ZNF705B: variants seen among roughly 807,000 people sequenced by gnomAD.
ZNF705B encodes Putative zinc finger protein 705D-like protein LOC100132396.
In ZNF705B, 1 loss-of-function variant was observed where a neutral mutation model predicts 10.5. The observed-to-expected ratio is 0.10, with a 90% CI of 0.03 to 0.45. ZNF705B has a LOEUF of 0.45. ZNF705B is among the 20% of genes least tolerant of loss of function. ZNF705B has a pLI of 0.97. For synonymous variants in ZNF705B, 4 were observed against 25.4 expected (o/e 0.16, Z 2.53); for missense variants, 14 against 84.0 (o/e 0.17, Z 3.26).
At chr8:7,927,030 C>A (rs933149028) in intron 1 of ZNF705B, among the ~76,000 whole-genome samples, 1 of 119,664 alleles carries the variant, frequency 8.4e-6, no homozygotes, top group Admixed American at 9.6e-5. Context: ...ATACCACTTT[C>A]AAGACTCGTG....
At chr8:7,936,753 C>G (rs1335653899) in intron 2 of ZNF705B, among the ~76,000 whole-genome samples, 5 of 119,904 alleles carry the variant, frequency 4.2e-5, no homozygotes, top group African/African-American at 1.3e-4. Flanking sequence ...GTCTGAAAAG[C>G]TACTCTTTGG....
At chr8:7,937,515 A>C (rs1400157044) in intron 2 of ZNF705B, among the ~76,000 whole-genome samples, 1 of 114,944 alleles carries the variant, frequency 8.7e-6, no homozygotes, top group African/African-American at 2.6e-5. Context: ...CCAAATTTGG[A>C]ATTTTTAAAC....
intron 2 of ZNF705B, among the ~76,000 whole-genome samples, chr8:7,934,874 AG>A (rs1819967791): frequency 1.9e-5 from 1 of 52,056 alleles, no homozygotes; most frequent in Non-Finnish European, 5.4e-5. Context: ...AGAGCATACA[AG>A]TTTCAGTTTA....
At chr8:7,940,886 A>T (rs1403629941) in intron 2 of ZNF705B, among the ~76,000 whole-genome samples, 2 of 146,388 alleles carry the variant, frequency 1.4e-5, no homozygotes, top group Admixed American at 6.9e-5. Flanking sequence ...TCCCCTCCTA[A>T]TATCCATGTG....
At chr8:7,927,314 G>A (rs555948479) in intron 1 of ZNF705B, among the ~76,000 whole-genome samples, 11 of 120,738 alleles carry the variant, frequency 9.1e-5, no homozygotes, top group South Asian at 8.4e-4. Context: ...GACATTCCAG[G>A]CCTTATGGAG....
At chr8:7,933,929 C>CTTTTTTTTTTTTTTTTTT (rs1162997944) in intron 2 of ZNF705B, among the ~76,000 whole-genome samples, 14 of 29,364 alleles carry the variant, frequency 4.8e-4, no homozygotes, top group African/African-American at 9.4e-4. Flanking sequence ...GTAATATAAA[C>CTTTTTTTTTTTTTTTTTT]TTTTTTTTTT....
Position 7,932,099 on chromosome 8 carries a change from C to T in ZNF705B, c.-72+1663C>T, listed in dbSNP as rs1406095426. On this transcript the variant is annotated intron_variant, in intron 2 of 6. Coordinates refer to ENST00000400120, the MANE Select transcript of ZNF705B (RefSeq NM_001193630.1). ...CCAACTCCTTCTCTGGGACAATGAC[C>T]ATCACATAGACTCCAGGCAGCTCCC... Among the ~76,000 whole-genome samples the T allele has an allele frequency of 1.7e-5, 2 of 120,682 alleles. 1 individual carries two copies. The highest frequency in any genetic ancestry group is 4.7e-4 in the East Asian group (2 of 4,232). The allele number at this position is 120,682 out of a possible 152,430, so 79.2% of individuals were successfully genotyped here.
At chr8:7,928,984 T>C (rs1819771263) in intron 1 of ZNF705B, among the ~76,000 whole-genome samples, 1 of 117,030 alleles carries the variant, frequency 8.5e-6, no homozygotes, top group African/African-American at 2.5e-5. Context: ...ACCTATTAGG[T>C]ACAATGTACT....
rs1309367910 is a variant in ZNF705B at position 7,928,688 on chromosome 8, A to T, written c.-221-1599A>T. The stretch of plus-strand genomic sequence containing the variant: ...GCCCCTAATGCGTCACCTAGTTGTA[A>T]TCTATGCAGAAGTTTGACATGGTAA... On this transcript the variant is annotated intron_variant, in intron 1 of 6. Coordinates refer to ENST00000400120, the MANE Select transcript of ZNF705B (RefSeq NM_001193630.1). 6.7e-5 allele frequency among the ~76,000 whole-genome samples: 6 copies of T among 89,274 alleles called. No homozygotes were observed. The East Asian group carries it at 2.0e-3, about 29-fold the overall frequency. The allele number at this position is 89,274 out of a possible 152,430, so 58.6% of individuals were successfully genotyped here. A position where few individuals can be genotyped will look rare whatever the true frequency, so the allele number is the denominator to read the frequency against.
rs1329476581 is a variant in ZNF705B, at chr8:7,935,852, G to GT, written c.-72+5417dup. On this transcript the variant is annotated intron_variant, in intron 2 of 6. Transcript: ENST00000400120. Reference sequence around the variant, plus strand: ...CATCTCTTCCTTTTATCTGTAAGTAGTCAGCTATTACGTATAGTAGTACCC... The same window carrying GT: ...CATCTCTTCCTTTTATCTGTAAGTAGTTCAGCTATTACGTATAGTAGTACCC... Among the ~76,000 whole-genome samples the GT allele has an allele frequency of 3.3e-5, 3 of 91,270 alleles. 1 individual carries two copies. In the Admixed American group the frequency reaches 3.9e-4, roughly 12 times the overall value. 59.9% of individuals were successfully genotyped at this position (91,270 alleles called of 152,430 possible).
At chr8:7,931,115 A>G (rs1415347357) in intron 2 of ZNF705B, among the ~76,000 whole-genome samples, 6 of 120,898 alleles carry the variant, frequency 5.0e-5, no homozygotes, top group African/African-American at 1.5e-4. Flanking sequence ...AGCCTTCCAA[A>G]GTGCTAGGAT....
At chr8:7,927,433 T>C (rs1301329007) in intron 1 of ZNF705B, among the ~76,000 whole-genome samples, 2 of 121,400 alleles carry the variant, frequency 1.6e-5, no homozygotes, top group Admixed American at 9.4e-5. Context: ...ATGAGCTTTT[T>C]TTCATGTTTG....
intron 2 of ZNF705B, among the ~76,000 whole-genome samples, chr8:7,930,704 A>G (rs1455262462): frequency 1.8e-5 from 2 of 111,014 alleles, no homozygotes; most frequent in African/African-American, 5.3e-5. Context: ...AGATAACATT[A>G]ATAGTAGGCA....
chr8:7,936,773 A>G (rs1303961126), intron 2 of ZNF705B, among the ~76,000 whole-genome samples: 2 of 120,326 alleles, frequency 1.7e-5, no homozygotes, highest in Non-Finnish European at 4.0e-5. Flanking sequence ...GGTACACCCT[A>G]CCTGTGTGAC....
chr8:7,928,160 C>T lies in ZNF705B; in HGVS notation c.-222+1763C>T, dbSNP rs543203097. ...GATGTTATGTGGTGAAAGGTACAAA[C>T]GAGCTCCTTCAGGCCTCTTTTATAA... On this transcript the variant is annotated intron_variant, in intron 1 of 6. Transcript: ENST00000400120. Among the ~76,000 whole-genome samples the T allele has an allele frequency of 8.9e-5, 10 of 112,618 alleles. 1 individual carries two copies. The South Asian group carries it at 9.6e-4, about 11-fold the overall frequency. The allele number at this position is 112,618 out of a possible 152,430, so 73.9% of individuals were successfully genotyped here.
Position 7,928,592 on chromosome 8 carries a change from G to A in ZNF705B, c.-221-1695G>A, listed in dbSNP as rs542317082. Among the ~76,000 whole-genome samples, 37 of 112,274 alleles carry A rather than the reference G, an allele frequency of 3.3e-4. 2 individuals carry two copies. Among genetic ancestry groups the A allele is most frequent in the South Asian group, 3.3e-3 (10 of 3,062 alleles). 73.7% of individuals were successfully genotyped at this position (112,274 alleles called of 152,430 possible). On this transcript the variant is annotated intron_variant, in intron 1 of 6. Transcript: ENST00000400120. ...GAAGGAGGAATTTCAGTGTTTTACC[G>A]TGTATACTTTCTGCTGTTTAATTCC...
chr8:7,934,013 T>A (rs1432436793), intron 2 of ZNF705B, among the ~76,000 whole-genome samples: 7 of 135,644 alleles, frequency 5.2e-5, no homozygotes, highest in African/African-American at 1.6e-4. Context: ...GGATCTCGGC[T>A]CACTGCAGCC....
rs564223201 is a variant in ZNF705B, at chr8:7,927,459, T to G, written c.-222+1062T>G. On this transcript the variant is annotated intron_variant, in intron 1 of 6. Transcript: ENST00000400120. ...TTCATGTTTGTTGGCTGCATAAATG[T>G]CTTTTTTTGAGAAATGTCTGTTCAC... Among the ~76,000 whole-genome samples the G allele has an allele frequency of 1.3e-3, 153 of 121,476 alleles. 4 individuals are homozygous for G. Among genetic ancestry groups the G allele is most frequent in the African/African-American group, 3.7e-3 (148 of 40,008 alleles). 79.7% of individuals were successfully genotyped at this position (121,476 alleles called of 152,430 possible).
chr8:7,937,532 T>G (rs1820049204), intron 2 of ZNF705B, among the ~76,000 whole-genome samples: 1 of 116,844 alleles, frequency 8.6e-6, no homozygotes, highest in Non-Finnish European at 2.0e-5. Flanking sequence ...AAACCTTGAT[T>G]AAAAGCATTG....
Sources: allele counts gnomAD v4.1 joint callset (sites outside exome capture counted in the v4.1 genomes callset), GRCh38; gene constraint gnomAD v4.1.1; transcripts MANE v1.5; gene names NCBI Gene and HGNC (gene_info 2026-07-23, HGNC 2026-07-21).